CPLX1: variants seen among roughly 807,000 people sequenced by gnomAD.
CPLX1 encodes the protein complexin-1.
In CPLX1, 6 loss-of-function variants were observed where a neutral mutation model predicts 15.6. The observed-to-expected ratio is 0.39, with a 90% CI of 0.21 to 0.76. CPLX1 has a LOEUF of 0.76. Ranked by LOEUF, CPLX1 falls within the 30% of genes least tolerant of loss-of-function variation. The pLI is 0.43. For synonymous variants in CPLX1, 91 were observed against 75.2 expected (o/e 1.21, Z -1.08); for missense variants, 242 against 188.6 (o/e 1.28, Z -1.66).
intron 2 of CPLX1, among the ~76,000 whole-genome samples, chr4:802,899 C>T (rs1028480616): frequency 1.3e-5 from 2 of 150,632 alleles, no homozygotes; most frequent in East Asian, 3.9e-4. Flanking sequence ...TGCGGTGAGC[C>T]GAGACTGCGC....
chr4:806,975 G>T (rs760769118), intron 2 of CPLX1, among the ~76,000 whole-genome samples: 8 of 152,168 alleles, frequency 5.3e-5, no homozygotes, highest in Non-Finnish European at 8.8e-5. Context: ...CCATTACTGG[G>T]TATATACCCA....
Position 792,498 on chromosome 4 carries a change from G to T in CPLX1, c.142C>A (p.Arg48Ser). 3 of 1,612,860 alleles carry T rather than the reference G, an allele frequency of 1.9e-6. No homozygotes were observed. Among genetic ancestry groups the T allele is most frequent in the Non-Finnish European group, 2.5e-6 (3 of 1,179,644 alleles). The change falls in exon 3 of 4, where the codon CGC becomes AGC. Residue 48 changes from arginine to serine, a missense_variant. By Grantham distance (110) the Arg-to-Ser change is moderately radical. Coordinates refer to ENST00000304062, the MANE Select transcript of CPLX1 (RefSeq NM_006651.4). The stretch of plus-strand genomic sequence containing the variant: ...TCCATCTTGGCGTACTTGGCCTTGC[G>T]CTCCTCCTCCGCCTGGCGCAGCGCC... ...QEALRQAEEE[R>S]KAKYAKMEAE...
At chr4:818,361 C>T (rs578008179) in intron 2 of CPLX1, among the ~76,000 whole-genome samples, 10 of 152,374 alleles carry the variant, frequency 6.6e-5, no homozygotes, top group South Asian at 6.2e-4. Flanking sequence ...AGCCCCGCCA[C>T]GGGCCTCGAC....
In CPLX1 at chr4:786,495, G is replaced by A; in HGVS notation, c.*6C>T. 1 of 1,557,786 alleles carries A rather than the reference G, an allele frequency of 6.4e-7. No individual in the cohort carries two copies. On this transcript the variant is annotated 3_prime_UTR_variant, in exon 4 of 4. Coordinates refer to ENST00000304062, the MANE Select transcript of CPLX1 (RefSeq NM_006651.4). ...GGGCTCCGCGGGGCCGCTGTCCCGC[G>A]CGCGGCTACTTCTTGAGCATGTCCT...
Position 796,444 on chromosome 4 carries a change from C to A in CPLX1, c.32-3836G>T, listed in dbSNP as rs933258900. 1.1e-4 allele frequency among the ~76,000 whole-genome samples: 16 copies of A among 152,268 alleles called. 3 individuals are homozygous for A. Among genetic ancestry groups the A allele is most frequent in the East Asian group, 1.9e-4 (1 of 5,172 alleles). On this transcript the variant is annotated intron_variant, in intron 2 of 3. Transcript: ENST00000304062. ...GGGACTACAGGCACGCGCCACCACG[C>A]CTGGCTAATTTTTGTATTTTCAGTA...
intron 2 of CPLX1, among the ~76,000 whole-genome samples, chr4:812,234 C>A (rs1746677607): frequency 6.6e-6 from 1 of 152,034 alleles, no homozygotes; most frequent in African/African-American, 2.4e-5. Flanking sequence ...GCCACCACGC[C>A]CCGCTAAATT....
intron 2 of CPLX1, among the ~76,000 whole-genome samples, chr4:803,597 C>T (rs1330360546): frequency 1.3e-5 from 2 of 149,590 alleles, no homozygotes; most frequent in African/African-American, 2.5e-5. Flanking sequence ...CGGGGTTTCA[C>T]CGTGGTCTCG....
intron 2 of CPLX1, among the ~76,000 whole-genome samples, chr4:800,849 G>GTATATATATATATATA (rs763825494): frequency 3.0e-5 from 4 of 131,688 alleles, no homozygotes; most frequent in African/African-American, 1.1e-4. Context: ...GTATATATAT[G>GTATATATATATATATA]TATATATATA....
intron 2 of CPLX1, among the ~76,000 whole-genome samples, chr4:823,387 T>C (rs554803826): frequency 3.9e-5 from 6 of 152,252 alleles, no homozygotes; most frequent in African/African-American, 1.2e-4. Flanking sequence ...GCTCCTGCCC[T>C]GGGGGAAGCG....
At chr4:812,328 C>T (rs1746678990) in intron 2 of CPLX1, among the ~76,000 whole-genome samples, 2 of 152,130 alleles carry the variant, frequency 1.3e-5, no homozygotes, top group South Asian at 2.1e-4. Flanking sequence ...TCAGTTGCCT[C>T]AGCCTCCCAA....
At chr4:821,424 C>A (rs1746860805) in intron 2 of CPLX1, among the ~76,000 whole-genome samples, 2 of 152,320 alleles carry the variant, frequency 1.3e-5, no homozygotes, top group East Asian at 1.9e-4. Context: ...GGCCCGCCTG[C>A]CCCACACATT....
chr4:824,454 C>T (rs1746935576), intron 2 of CPLX1, 38 bp downstream of exon 2: 2 of 1,583,770 alleles, frequency 1.3e-6, no homozygotes, highest in Non-Finnish European at 1.7e-6. Context: ...CTCTCCATGT[C>T]CCCTCAGCCC....
At chr4:788,024 G>T in intron 3 of CPLX1, 1 of 985,410 alleles carries the variant, frequency 1.0e-6, no homozygotes, top group Non-Finnish European at 1.2e-6. Flanking sequence ...CAGCAGCTGC[G>T]TCCAGGAGAA....
intron 2 of CPLX1, among the ~76,000 whole-genome samples, chr4:796,907 GAA>G (rs1223142722): frequency 6.6e-6 from 1 of 152,194 alleles, no homozygotes; most frequent in Non-Finnish European, 1.5e-5. Context: ...GCAGTGGGAG[GAA>G]GACAGACAAC....
At chr4:810,701 T>C (rs1746652206) in intron 2 of CPLX1, among the ~76,000 whole-genome samples, 2 of 145,660 alleles carry the variant, frequency 1.4e-5, no homozygotes, top group South Asian at 4.9e-4. Context: ...TTTCTTTTTC[T>C]TTTTTTTTTT....
chr4:801,705 G>A (rs1251987422), intron 2 of CPLX1, among the ~76,000 whole-genome samples: 2 of 152,224 alleles, frequency 1.3e-5, no homozygotes, highest in African/African-American at 4.8e-5. Flanking sequence ...TGTTCGCACA[G>A]CAACAAAGTC....
chr4:810,067 T>TC (rs71166896), intron 2 of CPLX1, among the ~76,000 whole-genome samples: 10 of 149,234 alleles, frequency 6.7e-5, no homozygotes, highest in African/African-American at 2.5e-4. Flanking sequence ...TTTTTTTTTT[T>TC]GAGATGGAGT....
chr4:792,445 G>A lies in CPLX1; in HGVS notation c.195C>T (p.Gly65=), dbSNP rs749055234. The A allele has an allele frequency of 3.8e-6, 6 of 1,592,810 alleles. No homozygotes were observed. The African/African-American group carries it at 4.0e-5, about 11-fold the overall frequency. The change falls in exon 3 of 4, where the codon GGC becomes GGT. Residue 65 remains glycine, a synonymous_variant. Coordinates refer to ENST00000304062, the MANE Select transcript of CPLX1 (RefSeq NM_006651.4). The part of the protein sequence containing the change: ...MEAEREAVRQ[G]IRDKYGIKKK... ...GCCCGGCGCGCACCTTGTCTCGGAT[G>A]CCCTGGCGCACGGCCTCGCGCTCCG...
chr4:804,844 T>C (rs1309074950), intron 2 of CPLX1: 4 of 982,128 alleles, frequency 4.1e-6, no homozygotes, highest in East Asian at 1.1e-4. Flanking sequence ...GGGAGCGACG[T>C]GCTCAGCCTC....
Sources: gnomAD v4.1 joint callset for allele counts (sites outside exome capture counted in the v4.1 genomes callset) on GRCh38, gnomAD v4.1.1 for gene constraint, MANE v1.5 for transcripts, NCBI Gene and HGNC (gene_info 2026-07-23, HGNC 2026-07-21) for gene names.